METTL15: variants seen among roughly 807,000 people sequenced by gnomAD.
METTL15 encodes the protein methyltransferase 15, mitochondrial 12S rRNA N4-cytidine.
METTL15 carries 34 observed loss-of-function variants against 38.3 expected under a neutral mutation model. The ratio of observed to expected loss-of-function variants is 0.89; its 90% CI spans 0.68 to 1.18. METTL15 has a LOEUF of 1.18. Ranked by LOEUF, METTL15 falls within the 50% of genes most tolerant of loss-of-function variation. METTL15 has a pLI of 0.00. For missense variants in METTL15, 438 were observed against 498.4 expected (o/e 0.88, Z 1.15); for synonymous variants, 162 against 170.9 (o/e 0.95, Z 0.41).
chr11:28,188,349 A>G (rs1437121017), intron 3 of METTL15, among the ~76,000 whole-genome samples: 2 of 151,294 alleles, frequency 1.3e-5, no homozygotes, highest in Admixed American at 6.6e-5. Flanking sequence ...ATTATTAACA[A>G]TGAAAATTAT....
intron 6 of METTL15, among the ~76,000 whole-genome samples, chr11:28,483,526 A>G (rs555822218): frequency 6.6e-6 from 1 of 152,178 alleles, no homozygotes; most frequent in African/African-American, 2.4e-5. Flanking sequence ...TTGAGTCTCA[A>G]TGTCTTCATC....
intron 4 of METTL15, among the ~76,000 whole-genome samples, chr11:28,238,757 A>G (rs1425772150): frequency 1.3e-5 from 2 of 152,044 alleles, no homozygotes. Context: ...TGGCTCCTCC[A>G]TTCTTTCTTA....
At chr11:28,114,636 A>C (rs922311280) in intron 3 of METTL15, among the ~76,000 whole-genome samples, 1 of 152,048 alleles carries the variant, frequency 6.6e-6, no homozygotes, top group East Asian at 1.9e-4. Flanking sequence ...TTTTTAGTAG[A>C]GATGGGGTTT....
intron 3 of METTL15, chr11:28,145,241 T>A (rs1027521573): frequency 2.0e-5 from 3 of 152,306 alleles, no homozygotes; most frequent in Non-Finnish European, 4.4e-5. Context: ...CCCAAATGGC[T>A]AGCTAATTAT....
Position 28,370,099 on chromosome 11 carries a change from T to C in METTL15, c.*358+8063T>C, listed in dbSNP as rs552931582. On this transcript the variant is annotated intron_variant and NMD_transcript_variant, in intron 5 of 7. Coordinates refer to the METTL15 transcript ENST00000532947. ...CCTGAATTATTTTCTTCAAGCTATT[T>C]TAAAATATAGAATAAGTTACTGTAA... is the stretch of plus-strand genomic sequence containing the variant. 1.5e-4 allele frequency among the ~76,000 whole-genome samples: 23 copies of C among 152,228 alleles called. 1 individual carries two copies. Among genetic ancestry groups the C allele is most frequent in the Non-Finnish European group, 2.2e-4 (15 of 67,960 alleles).
chr11:28,370,041 T>C (rs1429974560), intron 5 of METTL15, among the ~76,000 whole-genome samples: 1 of 152,148 alleles, frequency 6.6e-6, no homozygotes, highest in Non-Finnish European at 1.5e-5. Flanking sequence ...GGGATATTCA[T>C]CACCTTAAAT....
chr11:28,183,617 C>T (rs1211206152), intron 3 of METTL15, among the ~76,000 whole-genome samples: 1 of 152,010 alleles, frequency 6.6e-6, no homozygotes, highest in Non-Finnish European at 1.5e-5. Context: ...CCGACTTGAT[C>T]GTGGTGGATA....
At chr11:28,375,596 G>T (rs1371165580) in intron 5 of METTL15, among the ~76,000 whole-genome samples, 3 of 151,730 alleles carry the variant, frequency 2.0e-5, no homozygotes, top group Admixed American at 6.6e-5. Context: ...TATCAATTTT[G>T]TTGATCCTTT....
At chr11:28,234,945 C>T (rs1481325972) in intron 4 of METTL15, among the ~76,000 whole-genome samples, 10 of 150,516 alleles carry the variant, frequency 6.6e-5, no homozygotes, top group African/African-American at 1.2e-4. Context: ...TTAGGTCTAA[C>T]GTTTAAATCT....
intron 5 of METTL15, among the ~76,000 whole-genome samples, chr11:28,292,235 T>A (rs1026385048): frequency 1.7e-5 from 2 of 117,200 alleles, no homozygotes; most frequent in African/African-American, 3.3e-5. Context: ...CAGGCCCCAG[T>A]GTGTGATGTT....
At chr11:28,160,354 A>C (rs149967160) in intron 3 of METTL15, among the ~76,000 whole-genome samples, 15 of 152,122 alleles carry the variant, frequency 9.9e-5, no homozygotes, top group African/African-American at 3.4e-4. Context: ...GGAAGTGATC[A>C]AGGAGGAAAT....
At chr11:28,447,320 T>C (rs144632043) in intron 6 of METTL15, among the ~76,000 whole-genome samples, 18 of 152,182 alleles carry the variant, frequency 1.2e-4, no homozygotes, top group African/African-American at 3.9e-4. Context: ...TGCAGAAATA[T>C]TTCCAGGAAG....
At chr11:28,208,285 G>A (rs367891983) in intron 3 of METTL15, among the ~76,000 whole-genome samples, 1 of 152,086 alleles carries the variant, frequency 6.6e-6, no homozygotes, top group East Asian at 1.9e-4. Context: ...CTTTGAATGT[G>A]TCCCAGAGAT....
chr11:28,230,069 C>T (rs554655746), intron 4 of METTL15, among the ~76,000 whole-genome samples: 1 of 151,996 alleles, frequency 6.6e-6, no homozygotes, highest in African/African-American at 2.4e-5. Flanking sequence ...ATTTCTTGTT[C>T]TGAAGCCTGA....
chr11:28,290,140 TC>T lies in METTL15; in HGVS notation c.408-65del, dbSNP rs1856452324. 6 of 1,348,964 alleles carry T rather than the reference TC, an allele frequency of 4.4e-6. No individual in the cohort carries two copies. In the South Asian group the frequency reaches 7.3e-5, roughly 16 times the overall value. The allele number at this position is 1,348,964 out of a possible 1,614,324, so 83.6% of individuals were successfully genotyped here. On this transcript the variant is annotated intron_variant, in intron 4 of 6. Coordinates refer to ENST00000407364, the MANE Select transcript of METTL15 (RefSeq NM_001113528.2). The stretch of plus-strand genomic sequence containing the variant: ...AATAGAATGTGCTCCCTTCCATTGA[TC>T]ATAGACTTTAGAAAGACTTCAATCT...
At chr11:28,137,801 C>A (rs1210183286) in intron 3 of METTL15, among the ~76,000 whole-genome samples, 1 of 144,578 alleles carries the variant, frequency 6.9e-6, no homozygotes, top group African/African-American at 2.6e-5. Flanking sequence ...TTTTTTTTTT[C>A]AAAAAATATT....
At position 28,331,517 on chromosome 11, in the gene METTL15, A is replaced by G. The variant is rs1849814728; in HGVS notation, c.*676A>G. ...TTCACAAAACTTATATTTCATGTCA[A>G]TTGTATTTATTTTAATAATAGCTCA... On this transcript the variant is annotated 3_prime_UTR_variant, in exon 7 of 7. Coordinates refer to ENST00000407364, the MANE Select transcript of METTL15 (RefSeq NM_001113528.2). 1 of 152,050 alleles carries G rather than the reference A, an allele frequency of 6.6e-6. No individual in the cohort carries two copies. The highest frequency in any genetic ancestry group is 1.5e-5 in the Non-Finnish European group (1 of 67,980). The allele number at this position is 152,050 out of a possible 1,614,324, so 9.4% of individuals were successfully genotyped here.
At chr11:28,323,449 A>T (rs1390903894) in intron 6 of METTL15, among the ~76,000 whole-genome samples, 2 of 152,186 alleles carry the variant, frequency 1.3e-5, no homozygotes, top group African/African-American at 4.8e-5. Context: ...TTTCATAAGC[A>T]TAGTTAGAGA....
chr11:28,360,969 C>T (rs1850133124), intron 4 of METTL15, among the ~76,000 whole-genome samples: 1 of 151,990 alleles, frequency 6.6e-6, no homozygotes, highest in African/African-American at 2.4e-5. Context: ...TCATCCATGT[C>T]CCTACAAAGG....
Sources: gnomAD v4.1 joint callset for allele counts (sites outside exome capture counted in the v4.1 genomes callset) on GRCh38, gnomAD v4.1.1 for gene constraint, MANE v1.5 for transcripts, NCBI Gene and HGNC (gene_info 2026-07-23, HGNC 2026-07-21) for gene names.